Variants in TMEM132D observed in about 807,000 individuals in gnomAD.
TMEM132D encodes mature OL transmembrane protein.
Under a neutral mutation model 62.3 loss-of-function variants are expected in TMEM132D, and 21 were observed. The observed-to-expected ratio is 0.34, with a 90% CI of 0.24 to 0.49. The LOEUF is 0.49. TMEM132D is among the 20% of genes least tolerant of loss of function. The pLI, the probability that TMEM132D is intolerant of heterozygous loss-of-function variation, is 0.99. For synonymous variants in TMEM132D, 621 were observed against 575.6 expected (o/e 1.08, Z -1.13); for missense variants, 1,346 against 1,402.8 (o/e 0.96, Z 0.65).
At chr12:129,380,303 G>A (rs1434591592) in intron 3 of TMEM132D, among the ~76,000 whole-genome samples, 4 of 152,308 alleles carry the variant, frequency 2.6e-5, no homozygotes, top group Non-Finnish European at 5.9e-5. Flanking sequence ...ATTATAGGAA[G>A]TGATTTTAAA....
chr12:129,233,905 C>T (rs1470141978), intron 4 of TMEM132D, among the ~76,000 whole-genome samples: 2 of 152,120 alleles, frequency 1.3e-5, no homozygotes, highest in East Asian at 3.9e-4. Flanking sequence ...GAAAAAATCA[C>T]AACCTACCCA....
At chr12:129,822,818 C>T (rs938983660) in intron 1 of TMEM132D, among the ~76,000 whole-genome samples, 6 of 152,164 alleles carry the variant, frequency 3.9e-5, no homozygotes, top group African/African-American at 1.4e-4. Context: ...ATTCAATTAT[C>T]TCCACCTGGT....
intron 4 of TMEM132D, among the ~76,000 whole-genome samples, chr12:129,222,059 G>A (rs547113305): frequency 6.6e-6 from 1 of 152,216 alleles, no homozygotes; most frequent in South Asian, 2.1e-4. Context: ...CTTGGGTTTC[G>A]TGGCTGTGGT....
chr12:129,604,161 C>T (rs112163081), intron 2 of TMEM132D, among the ~76,000 whole-genome samples: 3 of 151,610 alleles, frequency 2.0e-5, no homozygotes, highest in Non-Finnish European at 4.4e-5. Flanking sequence ...CACCAGGGCC[C>T]GTCGAGGGGT....
intron 3 of TMEM132D, among the ~76,000 whole-genome samples, chr12:129,475,289 C>T (rs1251466285): frequency 6.6e-6 from 1 of 152,176 alleles, no homozygotes; most frequent in East Asian, 1.9e-4. Flanking sequence ...AAGAAGGCCA[C>T]TGTGGCCGGA....
chr12:129,219,001 C>T lies in TMEM132D; in HGVS notation c.1300-9338G>A, dbSNP rs566139636. On this transcript the variant is annotated intron_variant, in intron 4 of 8. Transcript: ENST00000422113. ...GCATTCCTGGGGTTACAGGTTTCCC[C>T]GGGTGTGTAAACTCCATGCTTGGGA... 1.6e-4 allele frequency among the ~76,000 whole-genome samples: 24 copies of T among 152,220 alleles called. No homozygotes were observed. In the South Asian group the frequency reaches 4.1e-3, roughly 26 times the overall value.
intron 4 of TMEM132D, among the ~76,000 whole-genome samples, chr12:129,316,077 T>C (rs1868480559): frequency 1.3e-5 from 2 of 152,300 alleles, no homozygotes; most frequent in South Asian, 4.1e-4. Flanking sequence ...TTTATTTATC[T>C]TTTCAAAGAA....
chr12:129,509,243 T>C (rs1336222988), intron 3 of TMEM132D, among the ~76,000 whole-genome samples: 2 of 152,206 alleles, frequency 1.3e-5, no homozygotes, highest in Non-Finnish European at 2.9e-5. Context: ...GAGGGCTTAG[T>C]GAAATATTAA....
chr12:129,532,487 T>A (rs1876258244), intron 2 of TMEM132D, among the ~76,000 whole-genome samples: 1 of 152,224 alleles, frequency 6.6e-6, no homozygotes, highest in Non-Finnish European at 1.5e-5. Flanking sequence ...AGGACACGTC[T>A]GTCCCTAACA....
At chr12:129,654,000 T>C (rs1879999641) in intron 2 of TMEM132D, among the ~76,000 whole-genome samples, 1 of 152,202 alleles carries the variant, frequency 6.6e-6, no homozygotes, top group South Asian at 2.1e-4. Context: ...TAGACCTTCC[T>C]TGTTTTTGAG....
chr12:129,130,362 G>T (rs1004618529), intron 5 of TMEM132D, among the ~76,000 whole-genome samples: 9 of 151,962 alleles, frequency 5.9e-5, no homozygotes, highest in Admixed American at 3.9e-4. Flanking sequence ...AGGACTTGCG[G>T]AATCCTTGCT....
chr12:129,451,791 A>C (rs1012900683), intron 3 of TMEM132D, among the ~76,000 whole-genome samples: 2 of 152,018 alleles, frequency 1.3e-5, no homozygotes, highest in Non-Finnish European at 2.9e-5. Flanking sequence ...AGAGTATGCC[A>C]CTGAAAACTA....
At chr12:129,518,586 T>C (rs1875752465) in intron 3 of TMEM132D, among the ~76,000 whole-genome samples, 1 of 151,064 alleles carries the variant, frequency 6.6e-6, no homozygotes, top group Admixed American at 6.6e-5. Context: ...CACACATATA[T>C]ATAAAAATAT....
At chr12:129,607,270 G>A (rs539170944) in intron 2 of TMEM132D, among the ~76,000 whole-genome samples, 25 of 152,294 alleles carry the variant, frequency 1.6e-4, no homozygotes, top group African/African-American at 5.8e-4. Flanking sequence ...GAGCCTGGGT[G>A]TAGAACTTCC....
At chr12:129,406,616 C>G (rs1344406103) in intron 3 of TMEM132D, among the ~76,000 whole-genome samples, 1 of 145,374 alleles carries the variant, frequency 6.9e-6, no homozygotes, top group Non-Finnish European at 1.5e-5. Context: ...CGAGACTCCA[C>G]CTCAAAAAAA....
intron 1 of TMEM132D, among the ~76,000 whole-genome samples, chr12:129,765,869 C>T (rs541762448): frequency 4.6e-5 from 7 of 152,218 alleles, no homozygotes; most frequent in Admixed American, 1.3e-4. Context: ...TTAACATGGC[C>T]GATGAGCTGT....
chr12:129,758,972 C>T (rs1870262318), intron 1 of TMEM132D, among the ~76,000 whole-genome samples: 1 of 148,562 alleles, frequency 6.7e-6, no homozygotes, highest in African/African-American at 2.5e-5. Flanking sequence ...TCACTCTTGT[C>T]TCCCAGGCTG....
At chr12:129,871,766 C>G (rs1874251014) in intron 1 of TMEM132D, among the ~76,000 whole-genome samples, 1 of 152,146 alleles carries the variant, frequency 6.6e-6, no homozygotes, top group Non-Finnish European at 1.5e-5. Context: ...TAAACATGTA[C>G]CAGCACACCA....
intron 3 of TMEM132D, among the ~76,000 whole-genome samples, chr12:129,445,166 T>C (rs567417066): frequency 3.2e-4 from 49 of 152,128 alleles, no homozygotes; most frequent in Non-Finnish European, 6.6e-4. Flanking sequence ...TGCAGCAACA[T>C]GGATAGAGCT....
Sources: allele counts gnomAD v4.1 joint callset (sites outside exome capture counted in the v4.1 genomes callset), GRCh38; gene constraint gnomAD v4.1.1; transcripts MANE v1.5; gene names NCBI Gene and HGNC (gene_info 2026-07-23, HGNC 2026-07-21).